MAF: variants seen among roughly 807,000 people sequenced by gnomAD.
The protein encoded by MAF is MAF bZIP transcription factor, also known as transcription factor Maf.
In MAF, 10 loss-of-function variants were observed where a neutral mutation model predicts 22.0. The observed-to-expected ratio is 0.45, with a 90% confidence interval of 0.28 to 0.77. The LOEUF (loss-of-function observed/expected upper bound fraction) is 0.77. MAF is among the 30% of genes least tolerant of loss of function. The probability of loss-of-function intolerance (pLI) is 0.12; values close to 1 mark genes in which losing one functional copy is unlikely to be tolerated. For synonymous variants in MAF, 337 were observed against 255.8 expected, an observed-to-expected ratio of 1.32 and a Z score of -3.03; for missense variants, 544 against 548.4, an observed-to-expected ratio of 0.99 and a Z score of 0.08.
the MAF span, among the ~76,000 whole-genome samples, chr16:79,243,701 C>T: frequency 6.6e-6 from 1 of 152,022 alleles, no homozygotes; most frequent in African/African-American, 2.4e-5. Flanking sequence ...AGGGAATCCT[C>T]CCTAACTCAT....
the MAF span, among the ~76,000 whole-genome samples, chr16:79,448,989 C>G: frequency 6.6e-6 from 1 of 152,066 alleles, no homozygotes; most frequent in African/African-American, 2.4e-5. Flanking sequence ...TACAACTCAC[C>G]ATAACATAGA....
the MAF span, among the ~76,000 whole-genome samples, chr16:79,289,009 C>A: frequency 6.6e-6 from 1 of 152,192 alleles, no homozygotes; most frequent in African/African-American, 2.4e-5. Flanking sequence ...GGATTACAGG[C>A]GTAAGCCACT....
At chr16:79,458,702 T>C in the MAF span, among the ~76,000 whole-genome samples, 1 of 152,188 alleles carries the variant, frequency 6.6e-6, no homozygotes, top group Admixed American at 6.5e-5. Flanking sequence ...TGTTTTTTGT[T>C]GTTAGGTTGT....
the MAF span, among the ~76,000 whole-genome samples, chr16:79,412,834 C>G: frequency 6.6e-6 from 1 of 152,178 alleles, no homozygotes; most frequent in South Asian, 2.1e-4. Flanking sequence ...GGAGGCGGCA[C>G]TAGAGATAAT....
the MAF span, among the ~76,000 whole-genome samples, chr16:79,244,202 GA>G: frequency 6.6e-6 from 1 of 152,116 alleles, no homozygotes; most frequent in South Asian, 2.1e-4. Context: ...CACAGTATCG[GA>G]AGTTCTGGCC....
chr16:79,243,193 C>G, the MAF span, among the ~76,000 whole-genome samples: 1 of 151,946 alleles, frequency 6.6e-6, no homozygotes, highest in African/African-American at 2.4e-5. Flanking sequence ...CAAGAAATAA[C>G]TAAGATGGGA....
the MAF span, among the ~76,000 whole-genome samples, chr16:79,220,177 G>C: frequency 6.9e-6 from 1 of 144,414 alleles, no homozygotes; most frequent in Admixed American, 7.3e-5. Flanking sequence ...AATTGCTTGA[G>C]CCCAGGAGGT....
the MAF span, among the ~76,000 whole-genome samples, chr16:79,573,926 T>A: frequency 6.6e-6 from 1 of 152,248 alleles, no homozygotes; most frequent in African/African-American, 2.4e-5. Context: ...CACAAACTTT[T>A]ACCAGGCTCT....
chr16:79,371,929 C>T, the MAF span, among the ~76,000 whole-genome samples: 1 of 152,222 alleles, frequency 6.6e-6, no homozygotes, highest in Non-Finnish European at 1.5e-5. Context: ...CGCTTTTTCT[C>T]ATCTGTTAAA....
At chr16:79,563,356 T>C in the MAF span, among the ~76,000 whole-genome samples, 1 of 152,360 alleles carries the variant, frequency 6.6e-6, no homozygotes, top group African/African-American at 2.4e-5. Context: ...AACTACTTTG[T>C]GTTTAAATTT....
At chr16:79,524,490 T>C in the MAF span, among the ~76,000 whole-genome samples, 1 of 152,342 alleles carries the variant, frequency 6.6e-6, no homozygotes, top group African/African-American at 2.4e-5. Flanking sequence ...AAGGTTAAAG[T>C]TGGCTATCCA....
chr16:79,463,978 A>AG, the MAF span, among the ~76,000 whole-genome samples: 1 of 151,642 alleles, frequency 6.6e-6, no homozygotes, highest in East Asian at 1.9e-4. Context: ...TTGCAAAAAA[A>AG]AAAATACGGA....
chr16:79,379,071 G>A, the MAF span, among the ~76,000 whole-genome samples: 2 of 152,220 alleles, frequency 1.3e-5, no homozygotes, highest in African/African-American at 4.8e-5. Context: ...GCTTTTTAAA[G>A]ATCAAGAGTC....
At chr16:79,366,519 C>T in the MAF span, among the ~76,000 whole-genome samples, 18 of 152,146 alleles carry the variant, frequency 1.2e-4, 1 homozygote, top group Non-Finnish European at 2.2e-4. Flanking sequence ...GATTTCCTGA[C>T]CTTCTAGACA....
chr16:79,467,874 G>T, the MAF span, among the ~76,000 whole-genome samples: 1 of 151,490 alleles, frequency 6.6e-6, no homozygotes, highest in Non-Finnish European at 1.5e-5. Context: ...AAGGATGCAG[G>T]CAGGCAAACC....
the MAF span, among the ~76,000 whole-genome samples, chr16:79,443,297 G>A: frequency 6.6e-6 from 1 of 151,930 alleles, no homozygotes; most frequent in Non-Finnish European, 1.5e-5. Flanking sequence ...ACTTCAAAGT[G>A]TCAACCCCCA....
the MAF span, among the ~76,000 whole-genome samples, chr16:79,272,406 G>A: frequency 6.6e-6 from 1 of 152,212 alleles, no homozygotes; most frequent in Non-Finnish European, 1.5e-5. Context: ...GCCTGCTCCT[G>A]GGCTGCCAGC....
At chr16:79,312,554 C>T in the MAF span, among the ~76,000 whole-genome samples, 31 of 152,194 alleles carry the variant, frequency 2.0e-4, no homozygotes, top group Non-Finnish European at 2.8e-4. Context: ...CGAATTTCCA[C>T]GAGCCAGAGC....
the MAF span, among the ~76,000 whole-genome samples, chr16:79,333,499 C>T: frequency 2.6e-5 from 4 of 152,160 alleles, no homozygotes; most frequent in African/African-American, 9.7e-5. Context: ...GATGTGCCAA[C>T]ACGATTACCC....
Sources: allele counts gnomAD v4.1 joint callset (sites outside exome capture counted in the v4.1 genomes callset), GRCh38; gene constraint gnomAD v4.1.1; transcripts MANE v1.5; gene names NCBI Gene and HGNC (gene_info 2026-07-23, HGNC 2026-07-21).